The following ADCY5 variants were observed in gnomAD, a reference collection of about 807,000 sequenced individuals.
The protein encoded by ADCY5 is adenylate cyclase type 5.
A neutral mutation model predicts 119.7 loss-of-function variants in ADCY5; 30 were observed. The ratio of observed to expected loss-of-function variants is 0.25; its 90% confidence interval spans 0.19 to 0.34. ADCY5 has a LOEUF of 0.34. Ranked by LOEUF, ADCY5 falls within the 10% of genes least tolerant of loss-of-function variation. The probability of loss-of-function intolerance (pLI) is 1.00; values close to 1 mark genes in which losing one functional copy is unlikely to be tolerated. For synonymous variants in ADCY5, 753 were observed against 762.2 expected (o/e 0.99, Z 0.20); for missense variants, 1,324 against 1,775.2 (o/e 0.75, Z 4.57).
intron 1 of ADCY5, among the ~76,000 whole-genome samples, chr3:123,378,377 G>A (rs1175651724): frequency 3.4e-5 from 5 of 145,194 alleles, no homozygotes; most frequent in South Asian, 2.2e-4. Flanking sequence ...CACAGGCCTC[G>A]AAAAAAAAAA....
At chr3:123,308,028 CTT>C (rs1178147327) in intron 12 of ADCY5, among the ~76,000 whole-genome samples, 15,898 of 83,304 alleles carry the variant, frequency 0.19, 140 homozygotes, top group African/African-American at 0.26. Context: ...TTTTCATGCT[CTT>C]TTTTTTTTTT....
chr3:123,438,136 C>T (rs191045386), intron 1 of ADCY5, among the ~76,000 whole-genome samples: 1 of 152,164 alleles, frequency 6.6e-6, no homozygotes, highest in Admixed American at 6.5e-5. Flanking sequence ...TCCTCCCAGC[C>T]CCTGAAGAAT....
chr3:123,288,003 G>A (rs1479812873), intron 19 of ADCY5, among the ~76,000 whole-genome samples: 2 of 152,232 alleles, frequency 1.3e-5, no homozygotes, highest in Non-Finnish European at 2.9e-5. Flanking sequence ...AAACAAGAAT[G>A]GCAATGTTAC....
At chr3:123,427,009 G>A (rs952162843) in intron 1 of ADCY5, among the ~76,000 whole-genome samples, 2 of 152,200 alleles carry the variant, frequency 1.3e-5, no homozygotes, top group Admixed American at 1.3e-4. Flanking sequence ...GGGAAGAGGT[G>A]ATATCTGGTT....
chr3:123,297,541 G>A (rs565790368), intron 15 of ADCY5, among the ~76,000 whole-genome samples, 159 bp from the exon 16 acceptor site: 4 of 152,306 alleles, frequency 2.6e-5, no homozygotes, highest in Admixed American at 6.5e-5. Flanking sequence ...CATTTTCAGG[G>A]TGGGAGGTGG....
chr3:123,327,519 T>C (rs1941549356), intron 7 of ADCY5, 99 bp downstream of exon 7: 7 of 1,278,094 alleles, frequency 5.5e-6, no homozygotes, highest in Non-Finnish European at 7.5e-6. Context: ...AAGAAATTCA[T>C]GACTTCACTC....
chr3:123,325,225 C>G, intron 8 of ADCY5, 97 bp downstream of exon 8: 4 of 1,478,608 alleles, frequency 2.7e-6, no homozygotes, highest in Non-Finnish European at 3.7e-6. Flanking sequence ...CCCCAGATTC[C>G]CTTGGGCAAC....
At chr3:123,295,343 G>A (rs1400847546) in intron 17 of ADCY5, among the ~76,000 whole-genome samples, 1 of 152,104 alleles carries the variant, frequency 6.6e-6, no homozygotes, top group African/African-American at 2.4e-5. Flanking sequence ...ACAGGGCTGG[G>A]CTGGAATAAA....
intron 18 of ADCY5, 107 bp from the exon 19 acceptor site, chr3:123,290,061 G>T: frequency 9.0e-7 from 1 of 1,114,544 alleles, no homozygotes; most frequent in Non-Finnish European, 1.3e-6. Context: ...CCCTTCATGT[G>T]TCCGCTCTTC....
At chr3:123,413,024 CT>C (rs924643941) in intron 1 of ADCY5, among the ~76,000 whole-genome samples, 27 of 152,208 alleles carry the variant, frequency 1.8e-4, no homozygotes, top group African/African-American at 5.8e-4. Flanking sequence ...ACGGAGCCCC[CT>C]GGAGACGACC....
chr3:123,361,254 G>C (rs755365715), intron 1 of ADCY5, among the ~76,000 whole-genome samples: 1 of 151,932 alleles, frequency 6.6e-6, no homozygotes, highest in Admixed American at 6.6e-5. Context: ...CATGGCTATG[G>C]GTGAGAAAGG....
rs114773602 is a variant in ADCY5, at chr3:123,307,264, C to G, written c.2443-3081G>C. 3.3e-3 allele frequency among the ~76,000 whole-genome samples: 502 copies of G among 152,200 alleles called. 3 individuals carry two copies. Among genetic ancestry groups the G allele is most frequent in the African/African-American group, 0.012 (488 of 41,512 alleles). On this transcript the variant is annotated intron_variant, in intron 12 of 20. Coordinates refer to ENST00000462833, the MANE Select transcript of ADCY5 (RefSeq NM_183357.3). ...GTATGCATATTATGTCGCAATGAAGCTCTTATTTTTAAAAATCTTGCTCAG... is the reference window on the plus strand; with the variant it reads ...GTATGCATATTATGTCGCAATGAAGGTCTTATTTTTAAAAATCTTGCTCAG...
At chr3:123,365,232 C>T (rs1183444654) in intron 1 of ADCY5, among the ~76,000 whole-genome samples, 1 of 152,246 alleles carries the variant, frequency 6.6e-6, no homozygotes, top group African/African-American at 2.4e-5. Context: ...GCTGGGATTA[C>T]AGGCGTAAGC....
chr3:123,404,102 T>A (rs1944841195), intron 1 of ADCY5: 1 of 152,212 alleles, frequency 6.6e-6, no homozygotes, highest in South Asian at 2.1e-4. Flanking sequence ...AAGATCAAGA[T>A]ATGCCCCCCA....
In ADCY5 at chr3:123,283,783, ATC is replaced by A. The variant is rs1938538151; in HGVS notation, c.*823_*824del. The A allele has an allele frequency of 7.0e-6, 1 of 142,598 alleles. No individual in the cohort carries two copies. The highest frequency in any genetic ancestry group is 3.1e-5 in the African/African-American group (1 of 32,768). The allele number at this position is 142,598 out of a possible 1,614,324, so 8.8% of individuals were successfully genotyped here. A position where few individuals can be genotyped will look rare whatever the true frequency, so the allele number is the denominator to read the frequency against. On this transcript the variant is annotated 3_prime_UTR_variant, in exon 21 of 21. Transcript: ENST00000462833. ...ATTTACAAAATATAGAATTTGGCAT[ATC>A]TATCTGTGAGATCTCCAAGGCTTTC...
intron 12 of ADCY5, among the ~76,000 whole-genome samples, chr3:123,307,346 GTTATT>G (rs1040659552): frequency 1.3e-5 from 2 of 152,134 alleles, no homozygotes; most frequent in African/African-American, 4.8e-5. Context: ...CTTCCGTCTC[GTTATT>G]GGGAAATTGG....
At chr3:123,355,777 C>A (rs566213063) in intron 1 of ADCY5, among the ~76,000 whole-genome samples, 7 of 152,148 alleles carry the variant, frequency 4.6e-5, no homozygotes, top group Non-Finnish European at 7.3e-5. Context: ...AAAAACACCA[C>A]GTTCTGATGT....
In ADCY5 at chr3:123,448,472, C is replaced by A; in HGVS notation, c.74G>T (p.Gly25Val). ...GCCCCACGCAGAGCGGTGTTCGGGG[C>A]CTCCCCGGGGCGCCGGCGCCGCAGT... ...QKTAAPAPRG[G>V]PEHRSAWGEA... is the part of the protein sequence containing the mutation. The change falls in exon 1 of 21, where the codon GGC becomes GTC. Residue 25 changes from glycine to valine, a missense_variant. Transcript: ENST00000462833. The A allele has an allele frequency of 7.9e-7, 1 of 1,273,366 alleles. No individual in the cohort carries two copies. The highest frequency in any genetic ancestry group is 9.9e-7 in the Non-Finnish European group (1 of 1,011,418). The allele number at this position is 1,273,366 out of a possible 1,614,324, so 78.9% of individuals were successfully genotyped here.
intron 1 of ADCY5, among the ~76,000 whole-genome samples, chr3:123,435,798 A>T (rs1450920182): frequency 6.6e-6 from 1 of 150,882 alleles, no homozygotes; most frequent in Non-Finnish European, 1.5e-5. Context: ...AGGTAGGTGG[A>T]TTGCTTGAGC....
Sources: gnomAD v4.1 joint callset for allele counts (sites outside exome capture counted in the v4.1 genomes callset) on GRCh38, gnomAD v4.1.1 for gene constraint, MANE v1.5 for transcripts, NCBI Gene and HGNC (gene_info 2026-07-23, HGNC 2026-07-21) for gene names.